Variants in DLG2 observed in about 807,000 individuals in gnomAD.
The protein encoded by DLG2 is discs large MAGUK scaffold protein 2, also known as disks large homolog 2.
In DLG2, 45 loss-of-function variants were observed where a neutral mutation model predicts 132.5. The ratio of observed to expected loss-of-function variants is 0.34; its 90% CI spans 0.27 to 0.44. The LOEUF is 0.44. Among genes scored for constraint, DLG2 ranks in the 20% least tolerant of loss-of-function variants. The pLI is 1.00. For synonymous variants in DLG2, 424 were observed against 419.6 expected, an observed-to-expected ratio of 1.01 and a Z score of -0.13; for missense variants, 1,045 against 1,196.9, an observed-to-expected ratio of 0.87 and a Z score of 1.87.
chr11:84,725,620 T>G (rs1252648991), intron 6 of DLG2, among the ~76,000 whole-genome samples: 1 of 152,118 alleles, frequency 6.6e-6, no homozygotes, highest in Non-Finnish European at 1.5e-5. Context: ...AGTAACAAAG[T>G]ATATACAATT....
chr11:83,485,812 T>C (rs1472642352), intron 21 of DLG2, among the ~76,000 whole-genome samples: 1 of 152,120 alleles, frequency 6.6e-6, no homozygotes, highest in East Asian at 1.9e-4. Flanking sequence ...ACCATGTTCA[T>C]TTAGGAAACA....
chr11:84,536,717 A>G (rs2099356364), intron 6 of DLG2, among the ~76,000 whole-genome samples: 1 of 152,346 alleles, frequency 6.6e-6, no homozygotes. Flanking sequence ...CCAGAAAAGT[A>G]GGAGTCAATC....
At chr11:84,286,658 C>G (rs768107375) in intron 7 of DLG2, among the ~76,000 whole-genome samples, 5 of 152,146 alleles carry the variant, frequency 3.3e-5, no homozygotes, top group Non-Finnish European at 7.3e-5. Flanking sequence ...ATCTATATGG[C>G]ACACTCAATT....
intron 18 of DLG2, among the ~76,000 whole-genome samples, chr11:83,678,932 G>A (rs192432849): frequency 5.4e-4 from 82 of 152,242 alleles, no homozygotes; most frequent in Non-Finnish European, 9.0e-4. Flanking sequence ...AAAAGTGAGA[G>A]CAAGGAAATC....
chr11:83,580,439 G>A (rs778076946), intron 19 of DLG2, among the ~76,000 whole-genome samples: 4 of 151,940 alleles, frequency 2.6e-5, no homozygotes, highest in East Asian at 1.9e-4. Flanking sequence ...TTCTGCCCAC[G>A]TGAAATTAGG....
chr11:84,307,934 C>G (rs1240609994), intron 7 of DLG2, among the ~76,000 whole-genome samples: 4 of 152,128 alleles, frequency 2.6e-5, no homozygotes, highest in Non-Finnish European at 4.4e-5. Context: ...GATTCGTAGT[C>G]TTCCTGGCTT....
At chr11:84,626,282 A>G (rs1342145908) in intron 6 of DLG2, among the ~76,000 whole-genome samples, 1 of 152,130 alleles carries the variant, frequency 6.6e-6, no homozygotes, top group Non-Finnish European at 1.5e-5. Context: ...TATCTCTGGT[A>G]CCCCTGGCAA....
At chr11:84,207,059 A>ATCTCTC (rs35772503) in intron 8 of DLG2, among the ~76,000 whole-genome samples, 3,977 of 145,538 alleles carry the variant, frequency 0.027, 76 homozygotes, top group Non-Finnish European at 0.033. Context: ...ATAAGAATAA[A>ATCTCTC]TCTCTCTCTC....
At chr11:85,036,665 A>G (rs2061461820) in intron 6 of DLG2, among the ~76,000 whole-genome samples, 1 of 152,338 alleles carries the variant, frequency 6.6e-6, no homozygotes, top group East Asian at 1.9e-4. Flanking sequence ...TCATTCATTT[A>G]TTCAAAGAGT....
intron 3 of DLG2, among the ~76,000 whole-genome samples, chr11:85,372,081 C>T (rs376371421): frequency 4.7e-4 from 72 of 152,328 alleles, no homozygotes; most frequent in African/African-American, 1.7e-3. Context: ...ACTAACCCTG[C>T]TTGTTCCTTT....
In DLG2 at chr11:85,409,652, T is replaced by C. The variant is rs569561110; in HGVS notation, c.41-124287A>G. On this transcript the variant is annotated intron_variant, in intron 3 of 27. Transcript: ENST00000376104. ...CTTCCAAAACTTCTGATTAAGGTCA[T>C]CAAGACTAATGCCAATGGGAGGCAG... 2.0e-5 allele frequency among the ~76,000 whole-genome samples: 3 copies of C among 151,944 alleles called. No individual in the cohort carries two copies. In the South Asian group the frequency reaches 6.2e-4, roughly 32 times the overall value.
intron 21 of DLG2, among the ~76,000 whole-genome samples, chr11:83,531,856 C>T (rs138451320): frequency 1.3e-4 from 19 of 150,938 alleles, no homozygotes; most frequent in African/African-American, 4.4e-4. Context: ...AACACAAACA[C>T]GTCTTGAAAA....
At chr11:85,410,912 T>A (rs2089254261) in intron 3 of DLG2, among the ~76,000 whole-genome samples, 1 of 151,822 alleles carries the variant, frequency 6.6e-6, no homozygotes, top group African/African-American at 2.4e-5. Flanking sequence ...TGTCACTCTT[T>A]GCTTCAGTTG....
chr11:84,730,315 G>A (rs1250555761), intron 6 of DLG2, among the ~76,000 whole-genome samples: 1 of 152,008 alleles, frequency 6.6e-6, no homozygotes, highest in Non-Finnish European at 1.5e-5. Flanking sequence ...GGGTTCCTAT[G>A]AGAATTAACT....
intron 21 of DLG2, among the ~76,000 whole-genome samples, chr11:83,510,582 G>T (rs1480853466): frequency 3.3e-5 from 5 of 152,124 alleles, no homozygotes; most frequent in Admixed American, 3.3e-4. Context: ...TAGGACTCTC[G>T]CTAGGGAGTT....
At chr11:83,507,453 T>C (rs934511341) in intron 21 of DLG2, among the ~76,000 whole-genome samples, 2 of 136,546 alleles carry the variant, frequency 1.5e-5, no homozygotes, top group East Asian at 2.2e-4. Flanking sequence ...TGTATATATA[T>C]ACACATATAT....
chr11:83,775,378 A>T (rs2094541302), intron 18 of DLG2, among the ~76,000 whole-genome samples: 1 of 152,196 alleles, frequency 6.6e-6, no homozygotes, highest in Non-Finnish European at 1.5e-5. Flanking sequence ...CCTGAGACTG[A>T]AACTTTGTTT....
At chr11:84,836,177 A>G (rs551650426) in intron 6 of DLG2, among the ~76,000 whole-genome samples, 12 of 151,934 alleles carry the variant, frequency 7.9e-5, no homozygotes, top group African/African-American at 2.7e-4. Flanking sequence ...AATTAATTGT[A>G]CAATAGGGTC....
At chr11:83,853,029 A>G (rs1193426540) in intron 16 of DLG2, among the ~76,000 whole-genome samples, 1 of 152,212 alleles carries the variant, frequency 6.6e-6, no homozygotes, top group African/African-American at 2.4e-5. Flanking sequence ...GGACACTGAT[A>G]AGAATGGGAA....
Sources: allele counts gnomAD v4.1 joint callset (sites outside exome capture counted in the v4.1 genomes callset), GRCh38; gene constraint gnomAD v4.1.1; transcripts MANE v1.5; gene names NCBI Gene and HGNC (gene_info 2026-07-23, HGNC 2026-07-21).